Variants in PIH1D2 observed in about 807,000 individuals in gnomAD.
PIH1D2 encodes PIH1 domain containing 2.
PIH1D2 carries 25 observed loss-of-function variants against 31.2 expected under a neutral mutation model. That is an observed-to-expected ratio of 0.80 (90% CI 0.58 to 1.12). The LOEUF (loss-of-function observed/expected upper bound fraction) is 1.12, where lower values mean the gene tolerates loss of function less well. PIH1D2 is among the 50% of genes most tolerant of loss of function. The pLI, the probability that PIH1D2 is intolerant of heterozygous loss-of-function variation, is 0.00. For missense variants in PIH1D2, 310 were observed against 356.6 expected (o/e 0.87, Z 1.05); for synonymous variants, 116 against 119.9 (o/e 0.97, Z 0.21).
downstream of PIH1D2, chr11:112,062,413 G>A (rs1410681269): frequency 6.2e-7 from 1 of 1,612,354 alleles, no homozygotes; most frequent in African/African-American, 1.3e-5. Flanking sequence ...TAGGTTTGAT[G>A]TGGCTAGCAT....
At chr11:112,056,310 C>A in the PIH1D2 span, among the ~76,000 whole-genome samples, 1 of 152,144 alleles carries the variant, frequency 6.6e-6, no homozygotes, top group African/African-American at 2.4e-5. Context: ...TTTCATCACC[C>A]CCAAAAGATC....
chr11:112,061,228 C>T, downstream of PIH1D2: 1 of 1,603,386 alleles, frequency 6.2e-7, no homozygotes, highest in Admixed American at 1.7e-5. Flanking sequence ...ACACTGTACA[C>T]TTGTCCTGTG....
the PIH1D2 span, among the ~76,000 whole-genome samples, chr11:112,054,033 G>T: frequency 1.1e-4 from 16 of 152,066 alleles, no homozygotes; most frequent in Admixed American, 8.5e-4. Flanking sequence ...TTGGGGCCAG[G>T]TATGGTGGCT....
At chr11:112,064,669 G>A (rs1185638845), downstream of PIH1D2, among the ~76,000 whole-genome samples, 4 of 152,096 alleles carry the variant, frequency 2.6e-5, no homozygotes, top group Non-Finnish European at 5.9e-5. Flanking sequence ...GCTTGTGATT[G>A]TGAAGTTAGG....
At chr11:112,062,169 C>G (rs1864674867), downstream of PIH1D2, among the ~76,000 whole-genome samples, 1 of 152,122 alleles carries the variant, frequency 6.6e-6, no homozygotes, top group Non-Finnish European at 1.5e-5. Context: ...TGCAGTAAAT[C>G]TTTACCTAAT....
At chr11:112,067,542 G>A (rs1327406059), downstream of PIH1D2, among the ~76,000 whole-genome samples, 1 of 148,842 alleles carries the variant, frequency 6.7e-6, no homozygotes, top group East Asian at 2.0e-4. Context: ...GTGCATGCCT[G>A]TAATCCCAGC....
intron 3 of PIH1D2, 62 bp downstream of exon 3, chr11:112,071,573 A>G: frequency 6.5e-7 from 1 of 1,544,530 alleles, no homozygotes; most frequent in Admixed American, 1.8e-5. Flanking sequence ...CTCTCAACCA[A>G]GTAAGATCTT....
At chr11:112,062,662 T>G, downstream of PIH1D2, 3 of 1,140,436 alleles carry the variant, frequency 2.6e-6, no homozygotes, top group Non-Finnish European at 3.8e-6. Context: ...TCTGTCCAGA[T>G]AAGTTATTTA....
chr11:112,072,371 C>A (rs1269261174), intron 2 of PIH1D2, among the ~76,000 whole-genome samples: 1 of 150,918 alleles, frequency 6.6e-6, no homozygotes, highest in South Asian at 2.1e-4. Context: ...CATAGGGAGA[C>A]CCTGTCTCTA....
chr11:112,072,207 G>C (rs1164747660), intron 2 of PIH1D2, among the ~76,000 whole-genome samples: 3 of 152,120 alleles, frequency 2.0e-5, no homozygotes, highest in Non-Finnish European at 2.9e-5. Flanking sequence ...AACTGCGTTT[G>C]ATTATACTGT....
chr11:112,068,323 G>A (rs1865000931), intron 5 of PIH1D2, among the ~76,000 whole-genome samples: 1 of 152,190 alleles, frequency 6.6e-6, no homozygotes, highest in Non-Finnish European at 1.5e-5. Flanking sequence ...AGCCTTTAGT[G>A]AAACTATCAC....
At chr11:112,070,785 T>C in intron 4 of PIH1D2, 84 bp from the exon 5 acceptor site, 4 of 1,398,130 alleles carry the variant, frequency 2.9e-6, no homozygotes, top group Non-Finnish European at 2.9e-6. Context: ...GTGGTGTTAG[T>C]AGAGATGGTA....
chr11:112,072,102 C>A (rs782544399), intron 2 of PIH1D2, among the ~76,000 whole-genome samples: 2 of 151,864 alleles, frequency 1.3e-5, no homozygotes, highest in Admixed American at 6.6e-5. Context: ...TCAAAAAAAA[C>A]AAAAACAAAA....
At chr11:112,055,539 C>T in the PIH1D2 span, among the ~76,000 whole-genome samples, 29 of 151,978 alleles carry the variant, frequency 1.9e-4, no homozygotes, top group Non-Finnish European at 3.7e-4. Flanking sequence ...CCACCGCGCC[C>T]GGCCAAGGCC....
At chr11:112,070,860 T>C (rs587674305) in intron 4 of PIH1D2, 159 bp from the exon 5 acceptor site, 4 of 1,217,720 alleles carry the variant, frequency 3.3e-6, no homozygotes, top group Admixed American at 3.1e-5. Context: ...AAGAATTTGA[T>C]TGAAAATTTT....
downstream of PIH1D2, chr11:112,062,563 A>C (rs781802810): frequency 6.8e-6 from 11 of 1,609,944 alleles, no homozygotes; most frequent in East Asian, 2.5e-4. Context: ...AAACTCTCCC[A>C]GGTCACACTG....
downstream of PIH1D2, among the ~76,000 whole-genome samples, chr11:112,065,940 G>A (rs1406505963): frequency 6.6e-6 from 1 of 151,956 alleles, no homozygotes; most frequent in Admixed American, 6.5e-5. Context: ...AGAGGTTGCA[G>A]TGAGCCAAGA....
downstream of PIH1D2, chr11:112,062,753 G>A: frequency 5.7e-6 from 3 of 529,830 alleles, no homozygotes. Flanking sequence ...CAGATTTTTA[G>A]CTCTGTACTC....
At chr11:112,062,636 T>G (rs1255401502), downstream of PIH1D2, 1 of 1,337,652 alleles carries the variant, frequency 7.5e-7, no homozygotes, top group Non-Finnish European at 1.0e-6. Flanking sequence ...TTTAACCAGT[T>G]ATTTTTATTA....
Sources: gnomAD v4.1 joint callset for allele counts (sites outside exome capture counted in the v4.1 genomes callset) on GRCh38, gnomAD v4.1.1 for gene constraint, MANE v1.5 for transcripts, NCBI Gene and HGNC (gene_info 2026-07-23, HGNC 2026-07-21) for gene names.